The following SLC49A3 variants were observed in gnomAD, a reference collection of about 807,000 sequenced individuals.
SLC49A3 encodes the protein solute carrier family 49 member 3.
In SLC49A3, 50 loss-of-function variants were observed where a neutral mutation model predicts 43.8. The ratio of observed to expected loss-of-function variants is 1.14; its 90% CI spans 0.91 to 1.45. SLC49A3 has a LOEUF of 1.45. SLC49A3 is among the 40% of genes most tolerant of loss of function. The pLI is 0.00. For synonymous variants in SLC49A3, 413 were observed against 352.0 expected (o/e 1.17, Z -1.94); for missense variants, 906 against 774.1 (o/e 1.17, Z -2.02).
At chr4:678,077 T>C (rs559767585), downstream of SLC49A3, 8 of 1,609,098 alleles carry the variant, frequency 5.0e-6, no homozygotes, top group East Asian at 1.6e-4. Context: ...GGGTGTGAGC[T>C]GTGCTGTGCA....
rs1167931706 is a variant in SLC49A3, at chr4:681,859, A to C, written c.*99T>G. The C allele has an allele frequency of 1.3e-5, 17 of 1,306,110 alleles. No individual in the cohort carries two copies. The highest frequency in any genetic ancestry group is 1.7e-5 in the Non-Finnish European group (17 of 1,019,376). The allele number at this position is 1,306,110 out of a possible 1,614,324, so 80.9% of individuals were successfully genotyped here. A position where few individuals can be genotyped will look rare whatever the true frequency, so the allele number is the denominator to read the frequency against. On this transcript the variant is annotated 3_prime_UTR_variant, in exon 10 of 10. Transcript: ENST00000322224. ...GTGCGCGCTTGTAATTCGCTCCCGG[A>C]GCCCGCAAGGAGCCCTTTCGCCCCC...
At chr4:682,747 C>T (rs752632174) in intron 9 of SLC49A3, 34 bp downstream of exon 9, 4 of 1,491,052 alleles carry the variant, frequency 2.7e-6, no homozygotes, top group African/African-American at 1.4e-5. Context: ...GCTCACCTGT[C>T]CTGTTCCCTG....
At chr4:680,581 A>C (rs1236257640), downstream of SLC49A3, 1 of 1,612,674 alleles carries the variant, frequency 6.2e-7, no homozygotes, top group African/African-American at 1.3e-5. Context: ...AAAATCAACA[A>C]GGAGTAGTGA....
Position 683,646 on chromosome 4 carries a change from A to G in SLC49A3, c.956T>C (p.Leu319Pro). The G allele has an allele frequency of 1.2e-6, 2 of 1,612,152 alleles. No individual in the cohort carries two copies. Among genetic ancestry groups the G allele is most frequent in the Non-Finnish European group, 1.7e-6 (2 of 1,179,610 alleles). The change falls in exon 7 of 10, where the codon CTG (leucine) becomes CCG (proline). Residue 319 changes from leucine to proline, a missense_variant. By Grantham distance (98) the Leu-to-Pro change is moderately conservative (BLOSUM62 -3). Coordinates refer to ENST00000322224, the MANE Select transcript of SLC49A3 (RefSeq NM_032219.4). ...CACGCAGGCCAGAGAGAACAGGCACAGGCCAATCTTGGTGGCCTCAGTGAA... is the reference window on the plus strand; with the variant it reads ...CACGCAGGCCAGAGAGAACAGGCACGGGCCAATCTTGGTGGCCTCAGTGAA... Reference protein sequence around the residue: ...KHFTEATKIGLCLFSLACVPF... With the variant: ...KHFTEATKIGPCLFSLACVPF...
chr4:678,988 G>A (rs1209511216), downstream of SLC49A3: 4 of 1,613,836 alleles, frequency 2.5e-6, no homozygotes, highest in Non-Finnish European at 3.4e-6. Flanking sequence ...GAACCGAGAT[G>A]GCTTCATTGA....
At chr4:679,872 G>A (rs1248274637), downstream of SLC49A3, 4 of 1,577,734 alleles carry the variant, frequency 2.5e-6, no homozygotes, top group African/African-American at 4.1e-5. Context: ...GCACAGGGCA[G>A]GCAACAAGCC....
At position 683,252 on chromosome 4, in the gene SLC49A3, G is replaced by A; in HGVS notation, c.1109C>T (p.Pro370Leu). The A allele has an allele frequency of 6.2e-7, 1 of 1,612,824 alleles. No individual in the cohort carries two copies. The highest frequency in any genetic ancestry group is 8.5e-7 in the Non-Finnish European group (1 of 1,179,926). Residue 370 changes from proline (P) to leucine (L), a missense_variant, in exon 8 of 10, where the codon CCC (proline) becomes CTC (leucine). Coordinates refer to ENST00000322224, the MANE Select transcript of SLC49A3 (RefSeq NM_032219.4). The part of the protein sequence containing the change: ...AMELAVECSF[P>L]VGEGAATGMI... ...GCCTGTGGCAGCCCCCTCCCCCACG[G>A]GGAAGGAACACTCGACCGCCAACTC...
chr4:688,052 C>CA (rs34530088), intron 1 of SLC49A3: 3,501 of 152,536 alleles, frequency 0.023, 40 homozygotes, highest in Middle Eastern at 0.034. Context: ...AGGAACGCCC[C>CA]ACACCTACGA....
chr4:679,500 G>A (rs139687214), downstream of SLC49A3, among the ~76,000 whole-genome samples: 93 of 152,316 alleles, frequency 6.1e-4, no homozygotes, highest in East Asian at 0.011. Context: ...TCCTCCCTGC[G>A]GCACATTCTG....
downstream of SLC49A3, chr4:680,792 G>A: frequency 4.6e-6 from 3 of 646,160 alleles, no homozygotes; most frequent in Middle Eastern, 8.3e-4. Flanking sequence ...GTGCCCGGTG[G>A]GGGTGGGGCG....
chr4:683,888 TC>T, intron 6 of SLC49A3, 127 bp from the exon 7 acceptor site: 2 of 1,230,214 alleles, frequency 1.6e-6, no homozygotes, highest in South Asian at 3.4e-5. Context: ...CAACACAGCT[TC>T]CAGACGCACC....
At chr4:678,312 C>G (rs888666209), downstream of SLC49A3, 1 of 1,428,822 alleles carries the variant, frequency 7.0e-7, no homozygotes, top group Non-Finnish European at 9.2e-7. Flanking sequence ...TCACAAAATC[C>G]CGGTACCCAG....
At chr4:689,315 AG>A, upstream of SLC49A3, 1 of 345,218 alleles carries the variant, frequency 2.9e-6, no homozygotes, top group Non-Finnish European at 5.1e-6. Context: ...GACCCAAAAA[AG>A]CGGGGGAAGG....
rs1226667614 is a variant in SLC49A3 at position 685,232 on chromosome 4, A to G, written c.586-376T>C. 3.0e-6 allele frequency: 1 copy of G among 336,850 alleles called. No individual in the cohort carries two copies. The highest frequency in any genetic ancestry group is 7.2e-5 in the East Asian group (1 of 13,948). The allele number at this position is 336,850 out of a possible 1,614,324, so 20.9% of individuals were successfully genotyped here. ...TCACGCTCAGTACATACCCCCAAGC[A>G]CAAACACACCACCCGCACCTGATAC... On this transcript the variant is annotated intron_variant, in intron 4 of 9. Transcript: ENST00000322224. The surrounding 1 kb of genome is among the most constrained non-coding windows in gnomAD (Gnocchi z 4.3).
At chr4:684,632 C>A (rs775564251) in intron 5 of SLC49A3, 33 bp from the exon 6 acceptor site, 3 of 1,611,640 alleles carry the variant, frequency 1.9e-6, no homozygotes, top group East Asian at 4.5e-5. Flanking sequence ...CCCCGGAGCC[C>A]GGGGGCCCTT....
rs1324925390 is a variant in SLC49A3 at position 682,339 on chromosome 4, G to A, written c.1299C>T (p.Phe433=). 3 of 1,347,768 alleles carry A rather than the reference G, an allele frequency of 2.2e-6. No individual in the cohort carries two copies. In the African/African-American group the frequency reaches 4.5e-5, roughly 20 times the overall value. The allele number at this position is 1,347,768 out of a possible 1,614,324, so 83.5% of individuals were successfully genotyped here. A position where few individuals can be genotyped will look rare whatever the true frequency, so the allele number is the denominator to read the frequency against. Residue 433 remains phenylalanine, a synonymous_variant, in exon 10 of 10, where the codon TTC becomes TTT. Transcript: ENST00000322224. ...GGAAGAAGACCGCCAGGATGCAGCT[G>A]AAGAAGGTGCACAGGCCGGCCATCA... ...LLLMAGLCTF[F]SCILAVFFHT...
chr4:678,276 G>A, downstream of SLC49A3: 2 of 1,455,204 alleles, frequency 1.4e-6, no homozygotes, highest in Non-Finnish European at 1.8e-6. Context: ...TGAGAGTCCG[G>A]AGCAGGATGA....
rs553322186 is a variant in SLC49A3, at chr4:682,884, G to A, written c.1158C>T (p.Ala386=). The part of the protein sequence containing the change: ...ATGMIFVLGQ[A]EGILIMLAMT... Reference sequence around the variant, plus strand: ...TTGCCAGCATGATGAGTATTCCCTCGGCCTGCCTGGACACACGTGGCCCTC... The same window carrying A: ...TTGCCAGCATGATGAGTATTCCCTCAGCCTGCCTGGACACACGTGGCCCTC... Residue 386 remains alanine, a synonymous_variant, in exon 9 of 10, where the codon GCC becomes GCT. Coordinates refer to ENST00000322224, the MANE Select transcript of SLC49A3 (RefSeq NM_032219.4). The A allele has an allele frequency of 7.6e-5, 121 of 1,591,060 alleles. No individual in the cohort carries two copies. Among genetic ancestry groups the A allele is most frequent in the Admixed American group, 5.9e-4 (35 of 59,054 alleles).
At chr4:688,963 G>T in intron 1 of SLC49A3, 30 bp downstream of exon 1, 1 of 1,579,114 alleles carries the variant, frequency 6.3e-7, no homozygotes, top group Non-Finnish European at 8.6e-7. Context: ...TGAGGGTCCC[G>T]GAGCCACCTG....
Sources: allele counts gnomAD v4.1 joint callset (sites outside exome capture counted in the v4.1 genomes callset), GRCh38; gene constraint gnomAD v4.1.1; non-coding constraint Gnocchi (gnomAD v3.1); transcripts MANE v1.5; gene names NCBI Gene and HGNC (gene_info 2026-07-23, HGNC 2026-07-21).